The following TMEM178B variants were observed in gnomAD, a reference collection of about 807,000 sequenced individuals.
TMEM178B encodes transmembrane protein 178B.
A neutral mutation model predicts 31.0 loss-of-function variants in TMEM178B; 5 were observed. The observed-to-expected ratio is 0.16, with a 90% CI of 0.08 to 0.34. The LOEUF is 0.34. Among genes scored for constraint, TMEM178B ranks in the 10% least tolerant of loss-of-function variants. The pLI is 1.00. For missense variants in TMEM178B, 275 were observed against 400.3 expected, an observed-to-expected ratio of 0.69 and a Z score of 2.67; for synonymous variants, 164 against 164.0, an observed-to-expected ratio of 1.00 and a Z score of 0.00.
intron 2 of TMEM178B, among the ~76,000 whole-genome samples, chr7:141,328,064 A>G (rs550447705): frequency 6.6e-6 from 1 of 152,158 alleles, no homozygotes; most frequent in Non-Finnish European, 1.5e-5. Flanking sequence ...TGGACCTGGT[A>G]TCATTCATAA....
chr7:141,301,329 A>G (rs1033499059), intron 2 of TMEM178B, among the ~76,000 whole-genome samples: 5 of 152,216 alleles, frequency 3.3e-5, no homozygotes, highest in African/African-American at 9.6e-5. Context: ...AACATGCACA[A>G]TATATAAAGT....
rs1362852445 is a variant in TMEM178B at position 141,344,613 on chromosome 7, TTCCTTC to T, written c.497-92994_497-92989del. Among the ~76,000 whole-genome samples, 1 of 149,074 alleles carries T rather than the reference TTCCTTC, an allele frequency of 6.7e-6. No homozygotes were observed. The highest frequency in any genetic ancestry group is 1.5e-5 in the Non-Finnish European group (1 of 67,334). ...CTTCCTTCCTTCCTTCCTTCCTTCC[TTCCTTC>T]CTTCCTTCCTCCCTTCCTTCTTCCC... On this transcript the variant is annotated intron_variant, in intron 2 of 3. Transcript: ENST00000565468. This position sits in a 1 kb window ranked among gnomAD's most constrained non-coding sequence, Gnocchi z 4.1.
At chr7:141,149,689 G>A (rs753072368) in intron 1 of TMEM178B, among the ~76,000 whole-genome samples, 1 of 152,138 alleles carries the variant, frequency 6.6e-6, no homozygotes, top group Admixed American at 6.5e-5. Flanking sequence ...TGGGGAGAAC[G>A]CCTTATGATG....
intron 1 of TMEM178B, among the ~76,000 whole-genome samples, chr7:141,097,137 A>G (rs1397137960): frequency 6.6e-6 from 1 of 152,020 alleles, no homozygotes; most frequent in Non-Finnish European, 1.5e-5. Context: ...TTTAAAGTTT[A>G]TCTGTTACAG....
intron 1 of TMEM178B, among the ~76,000 whole-genome samples, chr7:141,192,921 A>G (rs1260743557): frequency 1.3e-5 from 2 of 152,160 alleles, no homozygotes; most frequent in East Asian, 3.9e-4. Context: ...TTATGATTTG[A>G]TATTTATTTT....
chr7:141,237,634 C>G (rs1797548610), intron 2 of TMEM178B, among the ~76,000 whole-genome samples: 1 of 152,058 alleles, frequency 6.6e-6, no homozygotes, highest in Non-Finnish European at 1.5e-5. Context: ...TTTTTCCTTT[C>G]AAGATTTTTT....
At chr7:141,411,208 A>C (rs1181725) in intron 2 of TMEM178B, among the ~76,000 whole-genome samples, 55,421 of 145,952 alleles carry the variant, frequency 0.38, 10,301 homozygotes, top group South Asian at 0.48. Flanking sequence ...TTTTACTCGA[A>C]TAAAATAAAA....
At chr7:141,187,989 T>G (rs1277798840) in intron 1 of TMEM178B, among the ~76,000 whole-genome samples, 2 of 152,196 alleles carry the variant, frequency 1.3e-5, no homozygotes, top group Admixed American at 6.5e-5. Flanking sequence ...GCCATTGCTT[T>G]TGGTGTTTTA....
the TMEM178B span, among the ~76,000 whole-genome samples, chr7:141,510,407 C>T: frequency 0.39 from 58,801 of 151,756 alleles, 13,881 homozygotes; most frequent in Non-Finnish European, 0.54. Flanking sequence ...GCTCAGGGGC[C>T]GGGCGCGGTG....
At chr7:141,395,827 C>T (rs1166734829) in intron 2 of TMEM178B, among the ~76,000 whole-genome samples, 1 of 152,136 alleles carries the variant, frequency 6.6e-6, no homozygotes, top group Non-Finnish European at 1.5e-5. Flanking sequence ...AGCTATAATT[C>T]ATCCTTTCTC....
chr7:141,238,022 TA>T (rs1207360561), intron 2 of TMEM178B, among the ~76,000 whole-genome samples: 34,925 of 111,580 alleles, frequency 0.31, 5,567 homozygotes, highest in Non-Finnish European at 0.41. Context: ...AGACTCTGTC[TA>T]AAAAAAAAAA....
chr7:141,127,463 G>A (rs1304180662), intron 1 of TMEM178B, among the ~76,000 whole-genome samples: 1 of 152,138 alleles, frequency 6.6e-6, no homozygotes, highest in Non-Finnish European at 1.5e-5. Flanking sequence ...GTCCCAATAA[G>A]AAGAAGAGAG....
chr7:141,401,516 A>G (rs1800768426), intron 2 of TMEM178B, among the ~76,000 whole-genome samples: 1 of 152,168 alleles, frequency 6.6e-6, no homozygotes. Flanking sequence ...CCTGGACTCA[A>G]CTGATCCTCC....
chr7:141,437,955 G>A (rs530367346), intron 3 of TMEM178B, among the ~76,000 whole-genome samples: 1 of 152,262 alleles, frequency 6.6e-6, no homozygotes, highest in African/African-American at 2.4e-5. Flanking sequence ...AATAAGACAC[G>A]GTCCTCACCT....
intron 3 of TMEM178B, among the ~76,000 whole-genome samples, chr7:141,439,321 C>T (rs913304423): frequency 3.3e-5 from 5 of 152,084 alleles, no homozygotes; most frequent in African/African-American, 1.2e-4. Flanking sequence ...CCTCAGTGAG[C>T]CCCACACCTG....
chr7:141,231,095 G>T (rs1343961823), intron 2 of TMEM178B, among the ~76,000 whole-genome samples: 2 of 152,172 alleles, frequency 1.3e-5, no homozygotes, highest in Non-Finnish European at 2.9e-5. Flanking sequence ...GAACATTTGG[G>T]ATTTTTCTCT....
chr7:141,083,190 A>G (rs1769179469), intron 1 of TMEM178B, among the ~76,000 whole-genome samples: 3 of 152,190 alleles, frequency 2.0e-5, no homozygotes, highest in African/African-American at 7.2e-5. Flanking sequence ...CTACTCCCAA[A>G]CAATCCACAG....
At chr7:141,420,498 A>G (rs1801183626) in intron 2 of TMEM178B, among the ~76,000 whole-genome samples, 2 of 152,208 alleles carry the variant, frequency 1.3e-5, no homozygotes, top group South Asian at 4.1e-4. Context: ...TCTGCTAAAA[A>G]AAGCCTGGGT....
In TMEM178B at chr7:141,336,333, A is replaced by G. The variant is rs796125339; in HGVS notation, c.497-101275A>G. Among the ~76,000 whole-genome samples the G allele has an allele frequency of 5.3e-5, 8 of 152,198 alleles. 1 individual carries two copies. Among genetic ancestry groups the G allele is most frequent in the African/African-American group, 1.9e-4 (8 of 41,516 alleles). ...CTCATCTATTAAACTCTAGGTGTCT[A>G]CATCCCTGCCCGCCTCTTTCACTGT... On this transcript the variant is annotated intron_variant, in intron 2 of 3. Transcript: ENST00000565468.
Sources: gnomAD v4.1 joint callset for allele counts (sites outside exome capture counted in the v4.1 genomes callset) on GRCh38, gnomAD v4.1.1 for gene constraint, Gnocchi (gnomAD v3.1) non-coding constraint, MANE v1.5 for transcripts, NCBI Gene and HGNC (gene_info 2026-07-23, HGNC 2026-07-21) for gene names.